Variants in CPD observed in about 807,000 individuals in gnomAD.
CPD encodes the protein carboxypeptidase D.
A neutral mutation model predicts 138.3 loss-of-function variants in CPD; 69 were observed. The ratio of observed to expected loss-of-function variants is 0.50; its 90% CI spans 0.41 to 0.61. CPD has a LOEUF of 0.61. Ranked by LOEUF, CPD falls within the 20% of genes least tolerant of loss-of-function variation. CPD has a pLI of 0.00. For synonymous variants in CPD, 651 were observed against 642.1 expected, an observed-to-expected ratio of 1.01 and a Z score of -0.21; for missense variants, 1,432 against 1,733.3, an observed-to-expected ratio of 0.83 and a Z score of 3.09.
chr17:30,427,649 C>T, intron 7 of CPD, 91 bp downstream of exon 7: 1 of 1,171,666 alleles, frequency 8.5e-7, no homozygotes, highest in Non-Finnish European at 1.2e-6. Context: ...GTTATGCTTT[C>T]TTAAAATGAG....
chr17:30,404,970 T>G (rs1856163771), intron 2 of CPD, among the ~76,000 whole-genome samples: 1 of 152,184 alleles, frequency 6.6e-6, no homozygotes, highest in African/African-American at 2.4e-5. Flanking sequence ...CATTAATGGC[T>G]TCATTTTTAT....
At chr17:30,380,594 A>C (rs1911013613) in intron 1 of CPD, 2 of 1,508,662 alleles carry the variant, frequency 1.3e-6, no homozygotes, top group East Asian at 5.0e-5. Flanking sequence ...AAGAAGGAGG[A>C]CCTCAAGAAA....
At position 30,456,544 on chromosome 17, in the gene CPD, T is replaced by C. The variant is rs1285264987; in HGVS notation, c.3498+18T>C. The stretch of plus-strand genomic sequence containing the variant: ...GCATGAAGGTATGCTTTCTAGAACA[T>C]GGTTAGAATGGAGTTATGGCCAGGC... On this transcript the variant is annotated intron_variant, in intron 17 of 20. Transcript: ENST00000225719. The C allele has an allele frequency of 6.2e-7, 1 of 1,612,112 alleles. No individual in the cohort carries two copies. The highest frequency in any genetic ancestry group is 8.5e-7 in the Non-Finnish European group (1 of 1,178,218).
intron 2 of CPD, among the ~76,000 whole-genome samples, chr17:30,416,625 T>G (rs903810905): frequency 2.0e-5 from 3 of 152,202 alleles, no homozygotes; most frequent in African/African-American, 7.2e-5. Flanking sequence ...GTAGCTTTCT[T>G]TCTATTCCTT....
chr17:30,381,872 G>A (rs1163802405), intron 1 of CPD, among the ~76,000 whole-genome samples: 1 of 152,038 alleles, frequency 6.6e-6, no homozygotes, highest in Admixed American at 6.5e-5. Context: ...AAATTTTAAG[G>A]CTTAATTTCC....
intron 18 of CPD, among the ~76,000 whole-genome samples, chr17:30,461,576 T>C (rs1913475197): frequency 6.6e-6 from 1 of 152,120 alleles, no homozygotes; most frequent in Non-Finnish European, 1.5e-5. Flanking sequence ...CAGTATACCA[T>C]GGTGGGAAGG....
Position 30,468,149 on chromosome 17 carries a change from C to T in CPD, c.*3335C>T, listed in dbSNP as rs1201334759. 1.3e-5 allele frequency: 2 copies of T among 152,446 alleles called. No homozygotes were observed. Among genetic ancestry groups the T allele is most frequent in the Admixed American group, 6.6e-5 (1 of 15,258 alleles). 9.4% of individuals were successfully genotyped at this position (152,446 alleles called of 1,614,324 possible). A position where few individuals can be genotyped will look rare whatever the true frequency, so the allele number is the denominator to read the frequency against. On this transcript the variant is annotated 3_prime_UTR_variant, in exon 21 of 21. Coordinates refer to ENST00000225719, the MANE Select transcript of CPD (RefSeq NM_001304.5). ...ATTTATCCTATTTTTAGCAATAATT[C>T]GTTAATGATTCCACTTGATTTTCAG...
chr17:30,451,664 G>A (rs1913170071), intron 13 of CPD, 47 bp from the exon 14 acceptor site: 1 of 1,584,864 alleles, frequency 6.3e-7, no homozygotes, highest in African/African-American at 1.3e-5. Flanking sequence ...GGTACCCATT[G>A]ATTCTACATG....
At chr17:30,418,759 A>G (rs1035918771) in intron 2 of CPD, among the ~76,000 whole-genome samples, 3 of 152,192 alleles carry the variant, frequency 2.0e-5, no homozygotes, top group South Asian at 2.1e-4. Flanking sequence ...CTGAATTAAC[A>G]TGGATGAACA....
At position 30,379,985 on chromosome 17, in the gene CPD, A is replaced by G. The variant is rs141100555; in HGVS notation, c.746+259A>G. Among the ~76,000 whole-genome samples the G allele has an allele frequency of 3.5e-4, 53 of 152,348 alleles. No homozygotes were observed. The highest frequency in any genetic ancestry group is 6.8e-3 in the Middle Eastern group (2 of 292). ...CTCCTTTCTGACATTTCTGGTCCCT[A>G]TTCTTACAGGGGCATAGAATATGAG... On this transcript the variant is annotated intron_variant, in intron 1 of 20. Coordinates refer to ENST00000225719, the MANE Select transcript of CPD (RefSeq NM_001304.5). The surrounding 1 kb of genome is among the most constrained non-coding windows in gnomAD (Gnocchi z 7.0).
chr17:30,414,930 G>A (rs970049500), intron 2 of CPD, among the ~76,000 whole-genome samples: 13 of 152,182 alleles, frequency 8.5e-5, no homozygotes, highest in East Asian at 5.8e-4. Flanking sequence ...TGGAGTCTGG[G>A]AAGAAATCTA....
rs181347576 is a variant in CPD, at chr17:30,453,796, G to A, written c.3206-1543G>A. 1.2e-3 allele frequency among the ~76,000 whole-genome samples: 188 copies of A among 152,342 alleles called. 2 individuals carry two copies. The highest frequency in any genetic ancestry group is 2.1e-3 in the Non-Finnish European group (142 of 68,032). ...CCATACATCTTCTGAAATCTAGGTGGAGGTTCCCAAACATCAATTCTTGAC... is the reference window on the plus strand; with the variant it reads ...CCATACATCTTCTGAAATCTAGGTGAAGGTTCCCAAACATCAATTCTTGAC... On this transcript the variant is annotated intron_variant, in intron 14 of 20. Coordinates refer to ENST00000225719, the MANE Select transcript of CPD (RefSeq NM_001304.5).
chr17:30,456,434 G>T lies in CPD; in HGVS notation c.3434-28G>T, dbSNP rs775433522. ...AGGAGTTTCACCTTAAGGTCTTCCTGATTCCACATCTCTTAATGCTTTTAT... is the reference window on the plus strand; with the variant it reads ...AGGAGTTTCACCTTAAGGTCTTCCTTATTCCACATCTCTTAATGCTTTTAT... On this transcript the variant is annotated intron_variant, in intron 16 of 20. Transcript: ENST00000225719. 5 of 1,613,078 alleles carry T rather than the reference G, an allele frequency of 3.1e-6. No homozygotes were observed. The Admixed American group carries it at 5.0e-5, about 16-fold the overall frequency.
intron 17 of CPD, 40 bp from the exon 18 acceptor site, chr17:30,461,140 A>G: frequency 1.3e-6 from 2 of 1,502,354 alleles, no homozygotes; most frequent in Non-Finnish European, 1.8e-6. Context: ...TCTTTTACTT[A>G]TTAATTTTCC....
chr17:30,443,699 C>G (rs929576294), intron 10 of CPD, 103 bp from the exon 11 acceptor site: 77 of 1,145,106 alleles, frequency 6.7e-5, no homozygotes, highest in Non-Finnish European at 6.8e-5. Flanking sequence ...CCTGTTTGTT[C>G]CATTTATTTG....
chr17:30,459,746 T>C (rs911156761), intron 17 of CPD, among the ~76,000 whole-genome samples: 50 of 152,322 alleles, frequency 3.3e-4, no homozygotes, highest in African/African-American at 1.1e-3. Flanking sequence ...TGTGTAGTAT[T>C]GACATCTCTA....
chr17:30,462,314 G>A (rs1286567924), intron 19 of CPD, 56 bp from the exon 20 acceptor site: 3 of 1,379,840 alleles, frequency 2.2e-6, no homozygotes, highest in South Asian at 1.2e-5. Flanking sequence ...AATATAGCAG[G>A]GATACAGTAC....
intron 12 of CPD, among the ~76,000 whole-genome samples, chr17:30,446,494 A>G (rs1430540227): frequency 6.6e-6 from 1 of 152,212 alleles, no homozygotes; most frequent in Non-Finnish European, 1.5e-5. Context: ...GTCCCTACAA[A>G]GGACATGAAC....
At chr17:30,406,749 T>C (rs1398416739) in intron 2 of CPD, among the ~76,000 whole-genome samples, 1 of 152,142 alleles carries the variant, frequency 6.6e-6, no homozygotes, top group Non-Finnish European at 1.5e-5. Context: ...AGCTATTAAA[T>C]TTTACATATG....
Sources: allele counts gnomAD v4.1 joint callset (sites outside exome capture counted in the v4.1 genomes callset), GRCh38; gene constraint gnomAD v4.1.1; non-coding constraint Gnocchi (gnomAD v3.1); transcripts MANE v1.5; gene names NCBI Gene and HGNC (gene_info 2026-07-23, HGNC 2026-07-21).